GATA6: variants seen among roughly 807,000 people sequenced by gnomAD.
The protein encoded by GATA6 is GATA binding protein 6.
In GATA6, 11 loss-of-function variants were observed where a neutral mutation model predicts 48.1. The observed-to-expected ratio is 0.23, with a 90% CI of 0.14 to 0.38. The LOEUF is 0.38. Among genes scored for constraint, GATA6 ranks in the 10% least tolerant of loss-of-function variants. GATA6 has a pLI of 1.00. For synonymous variants in GATA6, 419 were observed against 396.1 expected (o/e 1.06, Z -0.69); for missense variants, 795 against 850.3 (o/e 0.93, Z 0.81).
chr18:22,182,349 C>CTT lies in GATA6; in HGVS notation c.1429-392_1429-391dup, dbSNP rs34089081. 1.1e-3 allele frequency among the ~76,000 whole-genome samples: 143 copies of CTT among 134,108 alleles called. 1 individual carries two copies. The highest frequency in any genetic ancestry group is 3.4e-3 in the African/African-American group (124 of 36,914). 88.0% of individuals were successfully genotyped at this position (134,108 alleles called of 152,430 possible). A position where few individuals can be genotyped will look rare whatever the true frequency, so the allele number is the denominator to read the frequency against. ...ATTGGATTGAAATTTATGCCAAGTT[C>CTT]TTTTTTTTTTTTTTTTTCTTGTTTT... On this transcript the variant is annotated intron_variant, in intron 4 of 6. Transcript: ENST00000269216.
intron 6 of GATA6, among the ~76,000 whole-genome samples, chr18:22,198,537 T>C (rs1055592605): frequency 2.0e-5 from 3 of 152,250 alleles, no homozygotes; most frequent in African/African-American, 7.2e-5. Context: ...CAGAGGCATA[T>C]GCTGATGTGC....
intron 6 of GATA6, among the ~76,000 whole-genome samples, chr18:22,186,555 AG>A (rs2033264179): frequency 6.6e-6 from 1 of 152,196 alleles, no homozygotes; most frequent in Non-Finnish European, 1.5e-5. Context: ...TGATGGCACC[AG>A]GACCTTAGCA....
At position 22,172,056 on chromosome 18, in the gene GATA6, C is replaced by T; in HGVS notation, c.912C>T (p.Gly304=). The T allele has an allele frequency of 7.8e-7, 1 of 1,278,108 alleles. No homozygotes were observed. The highest frequency in any genetic ancestry group is 2.7e-5 in the South Asian group (1 of 36,366). 79.2% of individuals were successfully genotyped at this position (1,278,108 alleles called of 1,614,324 possible). ...GCGGCAGTAGCCTGGCGGCCATGGG[C>T]GGCCGCGAGCCCCAGTACAGCTCGC... ...SGGGSSLAAM[G]GREPQYSSLS... Residue 304 remains glycine (G), a synonymous_variant, in exon 2 of 7, where the codon GGC becomes GGT. Coordinates refer to ENST00000269216, the MANE Select transcript of GATA6 (RefSeq NM_005257.6). The surrounding 1 kb of genome is among the most constrained non-coding windows in gnomAD (Gnocchi z 5.2).
intron 6 of GATA6, among the ~76,000 whole-genome samples, chr18:22,198,764 G>C (rs1030425728): frequency 1.3e-5 from 2 of 152,184 alleles, no homozygotes; most frequent in African/African-American, 2.4e-5. Context: ...ATGTTTATAA[G>C]TATAACCAAG....
intron 2 of GATA6, among the ~76,000 whole-genome samples, chr18:22,176,105 T>C (rs915165972): frequency 2.6e-5 from 4 of 152,230 alleles, no homozygotes; most frequent in African/African-American, 9.6e-5. Context: ...AGAATAATAA[T>C]AATAAAATTA....
At chr18:22,194,265 A>G (rs992065418) in intron 6 of GATA6, among the ~76,000 whole-genome samples, 1 of 152,216 alleles carries the variant, frequency 6.6e-6, no homozygotes, top group African/African-American at 2.4e-5. Context: ...TGCTAAGCCC[A>G]GGCTGGGTCT....
rs1329764788 is a variant in GATA6 at position 22,177,095 on chromosome 18, C to G, written c.1276C>G (p.Pro426Ala). 6.4e-7 allele frequency: 1 copy of G among 1,555,534 alleles called. No individual in the cohort carries two copies. The highest frequency in any genetic ancestry group is 1.4e-5 in the African/African-American group (1 of 72,884). Residue 426 changes from proline to alanine, a missense_variant, in exon 3 of 7, where the codon CCC becomes GCC. Pro to Ala is a conservative substitution (Grantham distance 27). Transcript: ENST00000269216. ...CAGCAAGATGAACGGCCTCAGCCGG[C>G]CCCTCATCAAGCCGCAGAAGCGCGT... ...LYSKMNGLSR[P>A]LIKPQKRVPS...
intron 2 of GATA6, 25 bp from the exon 3 acceptor site, chr18:22,176,930 C>T (rs1429329306): frequency 6.5e-7 from 1 of 1,532,958 alleles, no homozygotes. Flanking sequence ...CCCACTCCCG[C>T]CCTCACGCAC....
At chr18:22,182,129 G>A (rs1022795608) in intron 4 of GATA6, among the ~76,000 whole-genome samples, 1 of 152,212 alleles carries the variant, frequency 6.6e-6, no homozygotes, top group Non-Finnish European at 1.5e-5. Flanking sequence ...CCTTGCATCT[G>A]TAGGAGGAAG....
chr18:22,194,374 G>T (rs2033364793), intron 6 of GATA6, among the ~76,000 whole-genome samples: 1 of 152,184 alleles, frequency 6.6e-6, no homozygotes, highest in East Asian at 1.9e-4. Context: ...ACACAGAGCC[G>T]ATTTCTGCTC....
chr18:22,171,958 G>A lies in GATA6; in HGVS notation c.814G>A (p.Ala272Thr). The stretch of plus-strand genomic sequence containing the variant: ...CCCCTACTCTCCCAGCCCGCCCATG[G>A]CCAACGGCGCCGCGCGGGAGCCGGG... The part of the protein sequence containing the change: ...RFPYSPSPPM[A>T]NGAAREPGGY... Residue 272 changes from alanine to threonine, a missense_variant, in exon 2 of 7, where the codon GCC becomes ACC. By Grantham distance (58) the Ala-to-Thr change is moderately conservative. This residue lies in a region of GATA6 where 591 missense variants were observed against 570.0 expected (regional missense o/e 1.04). Transcript: ENST00000269216. The surrounding 1 kb of genome is among the most constrained non-coding windows in gnomAD (Gnocchi z 7.1). 8.3e-7 allele frequency: 1 copy of A among 1,202,678 alleles called. No individual in the cohort carries two copies. Among genetic ancestry groups the A allele is most frequent in the Non-Finnish European group, 1.0e-6 (1 of 969,804 alleles). The allele number at this position is 1,202,678 out of a possible 1,614,324, so 74.5% of individuals were successfully genotyped here.
chr18:22,181,688 G>A, intron 4 of GATA6, 110 bp downstream of exon 4: 2 of 1,135,452 alleles, frequency 1.8e-6, no homozygotes, highest in Non-Finnish European at 2.6e-6. Context: ...AAATTTGAAT[G>A]CATATAATTT....
At chr18:22,176,251 A>C (rs1447179191) in intron 2 of GATA6, among the ~76,000 whole-genome samples, 1 of 152,198 alleles carries the variant, frequency 6.6e-6, no homozygotes, top group Non-Finnish European at 1.5e-5. Flanking sequence ...CCACTTCTAA[A>C]TCGGGATTTT....
At chr18:22,178,843 A>G (rs987385234) in intron 3 of GATA6, among the ~76,000 whole-genome samples, 1 of 152,224 alleles carries the variant, frequency 6.6e-6, no homozygotes, top group Non-Finnish European at 1.5e-5. Context: ...CCTTGTTTTC[A>G]TATAATAGAC....
intron 4 of GATA6, 70 bp downstream of exon 4, chr18:22,181,648 G>C: frequency 6.4e-7 from 1 of 1,565,684 alleles, no homozygotes; most frequent in East Asian, 2.2e-5. Flanking sequence ...CAGTTACAAA[G>C]AATCAGCAAA....
intron 3 of GATA6, among the ~76,000 whole-genome samples, chr18:22,177,952 G>GTTTTTTTTTTTTTTTTTTTTT (rs775374335): frequency 1.2e-5 from 1 of 80,458 alleles, no homozygotes; most frequent in African/African-American, 4.9e-5. Flanking sequence ...CTGTTTTTTT[G>GTTTTTTTTTTTTTTTTTTTTT]TTTTTTTTTT....
intron 6 of GATA6, among the ~76,000 whole-genome samples, chr18:22,188,368 G>T (rs2033289416): frequency 6.6e-6 from 1 of 152,214 alleles, no homozygotes; most frequent in Non-Finnish European, 1.5e-5. Flanking sequence ...GTGATAACTA[G>T]AGTTGGAGAT....
At chr18:22,180,594 G>A (rs759613777) in intron 3 of GATA6, among the ~76,000 whole-genome samples, 4 of 151,806 alleles carry the variant, frequency 2.6e-5, no homozygotes, top group East Asian at 1.9e-4. Context: ...AAATTTGCTC[G>A]TATCCTTTGT....
chr18:22,172,118 A>AC lies in GATA6; in HGVS notation c.976dup (p.His326ProfsTer137). On this transcript the variant is annotated frameshift_variant, in exon 2 of 7. Coordinates refer to ENST00000269216, the MANE Select transcript of GATA6 (RefSeq NM_005257.6). LOFTEE classifies it high-confidence loss of function. The surrounding 1 kb of genome is among the most constrained non-coding windows in gnomAD (Gnocchi z 5.2). ...CGGCCGCTGAACGGGACGTACCACC[A>AC]CCACCACCACCACCACCACCACCAT... is the stretch of plus-strand genomic sequence containing the variant. The AC allele has an allele frequency of 7.2e-7, 1 of 1,384,572 alleles. No homozygotes were observed. The highest frequency in any genetic ancestry group is 9.6e-7 in the Non-Finnish European group (1 of 1,043,536). 85.8% of individuals were successfully genotyped at this position (1,384,572 alleles called of 1,614,324 possible).
Sources: gnomAD v4.1 joint callset for allele counts (sites outside exome capture counted in the v4.1 genomes callset) on GRCh38, gnomAD v4.1.1 for gene constraint, gnomAD v4.1.1 regional missense constraint, Gnocchi (gnomAD v3.1) non-coding constraint, MANE v1.5 for transcripts, NCBI Gene and HGNC (gene_info 2026-07-23, HGNC 2026-07-21) for gene names.